The following CDK19 variants were observed in gnomAD, a reference collection of about 807,000 sequenced individuals.
CDK19 encodes the protein cyclin dependent kinase 19.
CDK19 carries 20 observed loss-of-function variants against 68.3 expected under a neutral mutation model. That is an observed-to-expected ratio of 0.29 (90% CI 0.21 to 0.43). CDK19 has a LOEUF of 0.43. Ranked by LOEUF, CDK19 falls within the 20% of genes least tolerant of loss-of-function variation. The pLI, the probability that CDK19 is intolerant of heterozygous loss-of-function variation, is 1.00. For missense variants in CDK19, 339 were observed against 623.5 expected, an observed-to-expected ratio of 0.54 and a Z score of 4.86; for synonymous variants, 221 against 222.8, an observed-to-expected ratio of 0.99 and a Z score of 0.07.
At chr6:110,661,852 T>C (rs532084244) in intron 4 of CDK19, among the ~76,000 whole-genome samples, 3 of 152,340 alleles carry the variant, frequency 2.0e-5, no homozygotes, top group East Asian at 1.9e-4. Context: ...TACTGTACCA[T>C]GTTTGCAGAT....
At chr6:110,792,555 G>A (rs548207596) in intron 1 of CDK19, among the ~76,000 whole-genome samples, 178 of 152,186 alleles carry the variant, frequency 1.2e-3, no homozygotes, top group Non-Finnish European at 2.0e-3. Flanking sequence ...TTACAGACGC[G>A]TGCCACCACG....
Position 110,815,059 on chromosome 6 carries a change from T to C in CDK19, c.78A>G (p.Lys26=), listed in dbSNP as rs775368563. 1 of 1,606,242 alleles carries C rather than the reference T, an allele frequency of 6.2e-7. No individual in the cohort carries two copies. The highest frequency in any genetic ancestry group is 1.1e-5 in the South Asian group (1 of 90,202). The change falls in exon 1 of 13, where the codon AAA becomes AAG. Residue 26 remains lysine (K), a synonymous_variant. Coordinates refer to ENST00000368911, the MANE Select transcript of CDK19 (RefSeq NM_015076.5). Reference sequence around the variant, plus strand: ...CGTGACCGTAGGTGCCGCGTCCCACTTTGCACCCTTCGTACTCAAACAAAT... The same window carrying C: ...CGTGACCGTAGGTGCCGCGTCCCACCTTGCACCCTTCGTACTCAAACAAAT... The part of the protein sequence containing the change: ...VEDLFEYEGC[K]VGRGTYGHVY...
At chr6:110,625,686 CAT>C (rs1366829164) in intron 8 of CDK19, among the ~76,000 whole-genome samples, 1 of 151,994 alleles carries the variant, frequency 6.6e-6, no homozygotes, top group Admixed American at 6.6e-5. Context: ...CCATCAAAAT[CAT>C]AGAGTCTGAA....
chr6:110,704,137 T>C (rs1350006561), intron 2 of CDK19, among the ~76,000 whole-genome samples: 2 of 152,212 alleles, frequency 1.3e-5, no homozygotes, highest in Non-Finnish European at 2.9e-5. Flanking sequence ...ACACAATCTA[T>C]TGCCCAATCT....
rs200887987 is a variant in CDK19, at chr6:110,759,244, CA to C, written c.129-13044del. Among the ~76,000 whole-genome samples, 3,152 of 139,248 alleles carry C rather than the reference CA, an allele frequency of 0.023. 331 individuals carry two copies. The East Asian group carries it at 0.35, about 16-fold the overall frequency. 91.4% of individuals were successfully genotyped at this position (139,248 alleles called of 152,430 possible). A position where few individuals can be genotyped will look rare whatever the true frequency, so the allele number is the denominator to read the frequency against. ...TGAAACCCCATCTCTACTAAAAATA[CA>C]AAAAAAAAAATTAGCCAGGCATGGT... is the stretch of plus-strand genomic sequence containing the variant. On this transcript the variant is annotated intron_variant, in intron 1 of 12. Transcript: ENST00000368911.
At chr6:110,779,794 C>T (rs899291536) in intron 1 of CDK19, among the ~76,000 whole-genome samples, 4 of 151,948 alleles carry the variant, frequency 2.6e-5, no homozygotes, top group African/African-American at 4.8e-5. Context: ...TTCTCAAGCA[C>T]TTAAAGGAGG....
intron 1 of CDK19, among the ~76,000 whole-genome samples, chr6:110,800,716 T>C (rs1210314635): frequency 6.6e-6 from 1 of 152,124 alleles, no homozygotes; most frequent in East Asian, 1.9e-4. Context: ...ATCATCTCAA[T>C]TGGCACAGAA....
chr6:110,762,715 TG>T (rs1163827684), intron 1 of CDK19, among the ~76,000 whole-genome samples: 1 of 152,190 alleles, frequency 6.6e-6, no homozygotes, highest in Non-Finnish European at 1.5e-5. Context: ...TTAGGGACTA[TG>T]GAAGAAGTTC....
chr6:110,669,475 T>TCAAA (rs1008865085), intron 3 of CDK19, among the ~76,000 whole-genome samples: 44 of 152,042 alleles, frequency 2.9e-4, no homozygotes, highest in South Asian at 6.2e-4. Flanking sequence ...AGACCCTGTC[T>TCAAA]CAAACAAACA....
intron 1 of CDK19, among the ~76,000 whole-genome samples, chr6:110,791,527 A>G (rs551231442): frequency 6.6e-6 from 1 of 152,306 alleles, no homozygotes; most frequent in East Asian, 1.9e-4. Flanking sequence ...ACTAAAAAGT[A>G]TGTAGAATAT....
intron 2 of CDK19, among the ~76,000 whole-genome samples, chr6:110,696,031 A>G (rs1178219832): frequency 6.6e-6 from 1 of 152,184 alleles, no homozygotes; most frequent in Non-Finnish European, 1.5e-5. Flanking sequence ...CAAAACCAAG[A>G]AAGGATATAT....
Position 110,804,783 on chromosome 6 carries a change from G to A in CDK19, c.128+10226C>T, listed in dbSNP as rs1398417000. 9.3e-5 allele frequency among the ~76,000 whole-genome samples: 14 copies of A among 151,092 alleles called. No individual in the cohort carries two copies. The South Asian group carries it at 2.1e-3, about 23-fold the overall frequency. ...ATCCTGGCTAACACGGTGAAACCCC[G>A]TCGCTACTAAAAATACAAAAAAATT... On this transcript the variant is annotated intron_variant, in intron 1 of 12. Transcript: ENST00000368911.
intron 6 of CDK19, among the ~76,000 whole-genome samples, chr6:110,627,806 C>T (rs1779185415): frequency 6.6e-6 from 1 of 152,130 alleles, no homozygotes; most frequent in Admixed American, 6.5e-5. Flanking sequence ...TATACTGAAA[C>T]AATATCATCA....
intron 3 of CDK19, 90 bp downstream of exon 3, chr6:110,670,336 GCTTTC>G (rs972233957): frequency 5.0e-6 from 3 of 597,978 alleles, no homozygotes; most frequent in Non-Finnish European, 8.8e-6. Context: ...AACAGAGCAA[GCTTTC>G]CTTTCTGTGC....
At chr6:110,800,769 C>A (rs1362873404) in intron 1 of CDK19, among the ~76,000 whole-genome samples, 2 of 152,056 alleles carry the variant, frequency 1.3e-5, no homozygotes, top group African/African-American at 4.8e-5. Context: ...GACAAAAATG[C>A]TCAACAAACA....
intron 1 of CDK19, among the ~76,000 whole-genome samples, chr6:110,791,566 T>C (rs1781597329): frequency 6.6e-6 from 1 of 152,166 alleles, no homozygotes; most frequent in Non-Finnish European, 1.5e-5. Flanking sequence ...AGTAGGTATT[T>C]CCTGAGAAAG....
chr6:110,693,315 A>T (rs1379803806), intron 2 of CDK19, among the ~76,000 whole-genome samples: 3 of 152,254 alleles, frequency 2.0e-5, no homozygotes, highest in Non-Finnish European at 4.4e-5. Context: ...TCACTGGGGA[A>T]CCTGAAAATC....
chr6:110,751,393 G>T (rs968007158), intron 1 of CDK19, among the ~76,000 whole-genome samples: 2 of 152,026 alleles, frequency 1.3e-5, no homozygotes, highest in African/African-American at 4.8e-5. Context: ...CAAGAGACAG[G>T]TTGCATGCTC....
intron 2 of CDK19, among the ~76,000 whole-genome samples, chr6:110,697,913 G>A (rs1773625363): frequency 6.6e-6 from 1 of 152,076 alleles, no homozygotes; most frequent in Non-Finnish European, 1.5e-5. Flanking sequence ...ATAAAGTGGG[G>A]AAAGGACACC....
Sources: allele counts gnomAD v4.1 joint callset (sites outside exome capture counted in the v4.1 genomes callset), GRCh38; gene constraint gnomAD v4.1.1; transcripts MANE v1.5; gene names NCBI Gene and HGNC (gene_info 2026-07-23, HGNC 2026-07-21).